Variants in STAG1 observed in about 807,000 individuals in gnomAD.
The protein encoded by STAG1 is STAG1 cohesin complex component, also known as cohesin subunit SA-1.
In STAG1, 26 loss-of-function variants were observed where a neutral mutation model predicts 170.9. The observed-to-expected ratio is 0.15, with a 90% CI of 0.11 to 0.21. The LOEUF is 0.21. Ranked by LOEUF, STAG1 falls within the 10% of genes least tolerant of loss-of-function variation. The probability of loss-of-function intolerance (pLI) is 1.00; values close to 1 mark genes in which losing one functional copy is unlikely to be tolerated. For synonymous variants in STAG1, 514 were observed against 497.7 expected, an observed-to-expected ratio of 1.03 and a Z score of -0.44; for missense variants, 964 against 1,509.5, an observed-to-expected ratio of 0.64 and a Z score of 5.99.
intron 1 of STAG1, among the ~76,000 whole-genome samples, chr3:136,723,592 GT>G (rs1933448882): frequency 6.6e-6 from 1 of 150,500 alleles, no homozygotes; most frequent in African/African-American, 2.5e-5. Flanking sequence ...CAGCCGCCCC[GT>G]CCAGGAGGGA....
chr3:136,596,416 T>G (rs75768070), intron 4 of STAG1, among the ~76,000 whole-genome samples: 18 of 151,916 alleles, frequency 1.2e-4, no homozygotes, highest in Admixed American at 5.3e-4. Context: ...CGTACATTGG[T>G]TTTTTTTCAG....
intron 32 of STAG1, among the ~76,000 whole-genome samples, chr3:136,339,136 A>G (rs953029641): frequency 6.6e-6 from 1 of 152,196 alleles, no homozygotes; most frequent in African/African-American, 2.4e-5. Context: ...CATATAGGAA[A>G]GACCATCTAA....
intron 1 of STAG1, among the ~76,000 whole-genome samples, chr3:136,699,011 T>A (rs977612106): frequency 2.6e-5 from 4 of 152,248 alleles, no homozygotes; most frequent in Non-Finnish European, 2.9e-5. Flanking sequence ...GGAGCTAAGC[T>A]ATGAGGACAT....
At chr3:136,360,463 T>A (rs1303112004) in intron 26 of STAG1, among the ~76,000 whole-genome samples, 1 of 152,180 alleles carries the variant, frequency 6.6e-6, no homozygotes. Context: ...TGAAAAGTAT[T>A]GTTGACATTT....
Position 136,405,791 on chromosome 3 carries a change from CAAAAAAAAAAAAAA to C in STAG1, c.2197-6976_2197-6963del, listed in dbSNP as rs34952291. Among the ~76,000 whole-genome samples, 118 of 50,110 alleles carry C rather than the reference CAAAAAAAAAAAAAA, an allele frequency of 2.4e-3. 2 individuals carry two copies. The highest frequency in any genetic ancestry group is 7.0e-3 in the African/African-American group (79 of 11,212). The allele number at this position is 50,110 out of a possible 152,430, so 32.9% of individuals were successfully genotyped here. On this transcript the variant is annotated intron_variant, in intron 21 of 33. Transcript: ENST00000383202. ...GGGTGACAGAATGAGACTCTATCTCCAAAAAAAAAAAAAAAAAAAAAAAAAAAAAAGGAAAAATG... is the reference window on the plus strand; with the variant it reads ...GGGTGACAGAATGAGACTCTATCTCCAAAAAAAAAAAAAAAAGGAAAAATG...
At chr3:136,521,866 A>C (rs2107906721) in intron 6 of STAG1, among the ~76,000 whole-genome samples, 1 of 152,356 alleles carries the variant, frequency 6.6e-6, no homozygotes, top group Non-Finnish European at 1.5e-5. Flanking sequence ...CAAAAGTATA[A>C]GCATTTCATT....
intron 6 of STAG1, among the ~76,000 whole-genome samples, chr3:136,532,612 C>T (rs192352224): frequency 1.2e-3 from 186 of 152,200 alleles, no homozygotes; most frequent in African/African-American, 3.7e-3. Flanking sequence ...GATGGTTTAA[C>T]GTATGCAAAT....
chr3:136,411,405 T>C (rs1372006591), intron 21 of STAG1, among the ~76,000 whole-genome samples: 1 of 151,900 alleles, frequency 6.6e-6, no homozygotes, highest in Non-Finnish European at 1.5e-5. Context: ...CAACAGAAAA[T>C]AGGAACAAAG....
At chr3:136,697,142 C>A (rs1036234726) in intron 1 of STAG1, among the ~76,000 whole-genome samples, 3 of 152,184 alleles carry the variant, frequency 2.0e-5, no homozygotes, top group Admixed American at 6.5e-5. Context: ...TTCTGACTTA[C>A]AATGAATAAA....
intron 6 of STAG1, among the ~76,000 whole-genome samples, chr3:136,530,425 G>A (rs1935314073): frequency 6.6e-6 from 1 of 152,156 alleles, no homozygotes; most frequent in Non-Finnish European, 1.5e-5. Flanking sequence ...TATTCTCTGA[G>A]ATCAGACAAA....
chr3:136,675,830 A>G (rs1942113434), intron 1 of STAG1, among the ~76,000 whole-genome samples: 2 of 152,170 alleles, frequency 1.3e-5, no homozygotes, highest in Non-Finnish European at 2.9e-5. Context: ...GCTTGACTGT[A>G]TTTCTCTTTT....
intron 2 of STAG1, among the ~76,000 whole-genome samples, chr3:136,628,384 C>T (rs1940196753): frequency 6.6e-6 from 1 of 152,094 alleles, no homozygotes; most frequent in Non-Finnish European, 1.5e-5. Context: ...CTGAACATGA[C>T]TTAGCAGGTA....
At chr3:136,543,331 C>T (rs916674458) in intron 5 of STAG1, among the ~76,000 whole-genome samples, 5 of 152,106 alleles carry the variant, frequency 3.3e-5, no homozygotes, top group African/African-American at 1.2e-4. Flanking sequence ...CACTATCAGG[C>T]ATTTGTATAG....
At chr3:136,586,806 G>A in intron 4 of STAG1, 1 of 456,364 alleles carries the variant, frequency 2.2e-6, no homozygotes, top group Middle Eastern at 3.3e-4. Context: ...GCTCACCTGA[G>A]TATGTGGTAA....
At chr3:136,362,676 T>C (rs1361848974) in intron 26 of STAG1, among the ~76,000 whole-genome samples, 1 of 151,448 alleles carries the variant, frequency 6.6e-6, no homozygotes, top group Non-Finnish European at 1.5e-5. Flanking sequence ...TTATGAACTC[T>C]GTGACTTCTT....
chr3:136,375,784 C>A (rs951513513), intron 23 of STAG1, among the ~76,000 whole-genome samples: 1 of 151,486 alleles, frequency 6.6e-6, no homozygotes, highest in Non-Finnish European at 1.5e-5. Context: ...GCCTGGCCAA[C>A]ACAGTGAAAC....
chr3:136,558,102 A>G (rs1936696968), intron 5 of STAG1, among the ~76,000 whole-genome samples: 1 of 152,178 alleles, frequency 6.6e-6, no homozygotes. Context: ...CACTTTTTTA[A>G]AAATCTTGGC....
At chr3:136,557,270 A>C (rs1047547828) in intron 5 of STAG1, among the ~76,000 whole-genome samples, 2 of 152,152 alleles carry the variant, frequency 1.3e-5, no homozygotes, top group Non-Finnish European at 2.9e-5. Context: ...TTAGCTTTCC[A>C]TCTAAGAGAC....
intron 10 of STAG1, among the ~76,000 whole-genome samples, chr3:136,474,666 A>T (rs2089701482): frequency 6.6e-6 from 1 of 152,182 alleles, no homozygotes; most frequent in Non-Finnish European, 1.5e-5. Context: ...ATACCATGAG[A>T]TGTGCTATGA....
Sources: gnomAD v4.1 joint callset for allele counts (sites outside exome capture counted in the v4.1 genomes callset) on GRCh38, gnomAD v4.1.1 for gene constraint, MANE v1.5 for transcripts, NCBI Gene and HGNC (gene_info 2026-07-23, HGNC 2026-07-21) for gene names.